Variants in CCDC191 observed in about 807,000 individuals in gnomAD.
CCDC191 encodes the protein coiled-coil domain-containing protein 191.
A neutral mutation model predicts 114.0 loss-of-function variants in CCDC191; 99 were observed. The observed-to-expected ratio is 0.87, with a 90% CI of 0.74 to 1.03. The LOEUF is 1.03. CCDC191 is among the 50% of genes least tolerant of loss of function. The pLI, the probability that CCDC191 is intolerant of heterozygous loss-of-function variation, is 0.00. For missense variants in CCDC191, 973 were observed against 1,087.0 expected (o/e 0.90, Z 1.47); for synonymous variants, 351 against 376.0 (o/e 0.93, Z 0.77).
chr3:114,023,103 C>T (rs972253554), intron 7 of CCDC191, among the ~76,000 whole-genome samples: 1 of 152,156 alleles, frequency 6.6e-6, no homozygotes, highest in Admixed American at 6.5e-5. Flanking sequence ...CTCCCATTCA[C>T]ATTTGCTTCA....
At chr3:113,976,518 A>ATGGTT (rs1941360170) in intron 16 of CCDC191, among the ~76,000 whole-genome samples, 1 of 152,056 alleles carries the variant, frequency 6.6e-6, no homozygotes, top group Admixed American at 6.5e-5. Flanking sequence ...ATCAGATGAG[A>ATGGTT]TGGTTTGTGC....
intron 13 of CCDC191, among the ~76,000 whole-genome samples, chr3:114,001,062 C>T (rs1252790521): frequency 6.6e-6 from 1 of 152,100 alleles, no homozygotes; most frequent in African/African-American, 2.4e-5. Flanking sequence ...AATTTAATAA[C>T]CTTAGAGTAA....
In CCDC191 at chr3:114,004,585, A is replaced by G. The variant is rs777265195; in HGVS notation, c.1978+52T>C. On this transcript the variant is annotated intron_variant, in intron 11 of 16. Transcript: ENST00000295878. ...AATTCAGTCCCAGTGTACACATTCTACTCTAGGAGAGAAGATAACAACCAC... is the reference window on the plus strand; with the variant it reads ...AATTCAGTCCCAGTGTACACATTCTGCTCTAGGAGAGAAGATAACAACCAC... 3.1e-6 allele frequency: 5 copies of G among 1,591,478 alleles called. No individual in the cohort carries two copies. The African/African-American group carries it at 5.4e-5, about 17-fold the overall frequency.
At chr3:114,000,629 A>G (rs2075836913) in intron 13 of CCDC191, among the ~76,000 whole-genome samples, 1 of 150,598 alleles carries the variant, frequency 6.6e-6, no homozygotes, top group African/African-American at 2.4e-5. Flanking sequence ...AACATACCTT[A>G]TATGACTTTC....
chr3:113,991,044 T>G (rs967264055), intron 13 of CCDC191, among the ~76,000 whole-genome samples: 1 of 150,020 alleles, frequency 6.7e-6, no homozygotes, highest in African/African-American at 2.5e-5. Flanking sequence ...AAGGCCAACC[T>G]GGCCAACATG....
At chr3:113,966,146 G>A (rs968778009) in intron 16 of CCDC191, among the ~76,000 whole-genome samples, 4 of 152,126 alleles carry the variant, frequency 2.6e-5, no homozygotes, top group African/African-American at 7.2e-5. Flanking sequence ...GCCTCAGTGC[G>A]TAGACATATT....
Position 113,978,960 on chromosome 3 carries a change from C to T in CCDC191, c.2358G>A (p.Thr786=), listed in dbSNP as rs760940575. 20 of 1,613,926 alleles carry T rather than the reference C, an allele frequency of 1.2e-5. No individual in the cohort carries two copies. Among genetic ancestry groups the T allele is most frequent in the East Asian group, 8.9e-5 (4 of 44,890 alleles). ...GACTTTCCTGACTACGCTGGAACCA[C>T]GTCAGCATGTATTTCCTCTGCAGGA... ...SLFLQRKYML[T]WFQRSQESLA... The change falls in exon 15 of 17, where the codon ACG becomes ACA. Residue 786 remains threonine, a synonymous_variant. Coordinates refer to ENST00000295878, the MANE Select transcript of CCDC191 (RefSeq NM_020817.2).
chr3:114,056,288 C>G, intron 1 of CCDC191, 89 bp downstream of exon 1: 4 of 1,241,706 alleles, frequency 3.2e-6, no homozygotes, highest in South Asian at 1.3e-5. Context: ...GATGAAGAGG[C>G]AGGAAGCACA....
At chr3:114,010,612 A>G (rs1038455832) in intron 9 of CCDC191, among the ~76,000 whole-genome samples, 160 bp downstream of exon 9, 1 of 152,252 alleles carries the variant, frequency 6.6e-6, no homozygotes, top group African/African-American at 2.4e-5. Flanking sequence ...TAAAAAGAAG[A>G]TTCAATTCAA....
chr3:114,003,746 T>C (rs1316150318), intron 11 of CCDC191: 1 of 985,298 alleles, frequency 1.0e-6, no homozygotes, highest in Non-Finnish European at 1.2e-6. Context: ...TCTTCATTAA[T>C]AGGAATTGAC....
intron 11 of CCDC191, chr3:114,004,154 A>G (rs1000949056): frequency 1.0e-6 from 1 of 954,976 alleles, no homozygotes. Flanking sequence ...TCAAATTAAC[A>G]TATCTGGTTT....
intron 8 of CCDC191, among the ~76,000 whole-genome samples, chr3:114,018,249 A>G (rs1187787788): frequency 6.6e-6 from 1 of 152,238 alleles, no homozygotes; most frequent in African/African-American, 2.4e-5. Context: ...CCAGGGTACA[A>G]TGCTACTACA....
rs747402148 is a variant in CCDC191 at position 114,035,079 on chromosome 3, A to AT, written c.663dup (p.Ser222IlefsTer41). 8.5e-5 allele frequency: 137 copies of AT among 1,613,868 alleles called. No individual in the cohort carries two copies. The East Asian group carries it at 2.6e-3, about 30-fold the overall frequency. ...AGACACTGAGCCTCCAAGAAGGCCG[A>AT]TTTTTTCAGGGTCTTTTCTATTCTC... On this transcript the variant is annotated frameshift_variant, in exon 6 of 17. Coordinates refer to ENST00000295878, the MANE Select transcript of CCDC191 (RefSeq NM_020817.2). LOFTEE classifies it high-confidence loss of function.
At chr3:114,006,617 T>TATATATATATATATATATATATATAA (rs1482068610) in intron 9 of CCDC191, among the ~76,000 whole-genome samples, 7 of 118,464 alleles carry the variant, frequency 5.9e-5, no homozygotes, top group East Asian at 4.9e-4. Flanking sequence ...TATATATATA[T>TATATATATATATATATATATATATAA]AAATATATAT....
rs1288422792 is a variant in CCDC191, at chr3:114,018,841, G to C, written c.1000C>G (p.His334Asp). The change falls in exon 8 of 17, where the codon CAC becomes GAC. Residue 334 changes from histidine to aspartate, a missense_variant. Physicochemically the swap from His to Asp is moderately conservative, Grantham distance 81. Coordinates refer to ENST00000295878, the MANE Select transcript of CCDC191 (RefSeq NM_020817.2). ...QCQKRYFAAW[H>D]KLILDHRIKL... ...ATCCTATGATCAAGAATCAGCTTGT[G>C]CCAGGCAGCGAAATACCGTTTTTGA... The C allele has an allele frequency of 1.2e-6, 2 of 1,613,548 alleles. No homozygotes were observed. The highest frequency in any genetic ancestry group is 2.7e-5 in the African/African-American group (2 of 74,868).
rs2075938306 is a variant in CCDC191, at chr3:114,005,506, A to G, written c.1868+2T>C. On this transcript the variant is annotated splice_donor_variant, in intron 10 of 16. Transcript: ENST00000295878. LOFTEE classifies it high-confidence loss of function. Reference sequence around the variant, plus strand: ...CAGCGAGTTCTGATAGAACAGACATACTTCACAAGCATCTGGCAGGTTCTT... The same window carrying G: ...CAGCGAGTTCTGATAGAACAGACATGCTTCACAAGCATCTGGCAGGTTCTT... 6.2e-7 allele frequency: 1 copy of G among 1,601,252 alleles called. No individual in the cohort carries two copies. Among genetic ancestry groups the G allele is most frequent in the Non-Finnish European group, 8.5e-7 (1 of 1,174,918 alleles).
chr3:113,989,091 T>A (rs973486818), intron 13 of CCDC191, among the ~76,000 whole-genome samples: 1 of 152,300 alleles, frequency 6.6e-6, no homozygotes, highest in Middle Eastern at 3.4e-3. Flanking sequence ...CCACTGCCCC[T>A]GGCCATGTAA....
chr3:113,973,596 G>GTTTTTT (rs61420341), intron 16 of CCDC191, among the ~76,000 whole-genome samples: 2 of 145,566 alleles, frequency 1.4e-5, no homozygotes, highest in Non-Finnish European at 1.5e-5. Flanking sequence ...TGGATGGCAG[G>GTTTTTT]TTTTTTTTTT....
intron 7 of CCDC191, among the ~76,000 whole-genome samples, chr3:114,027,161 A>C (rs1255927766): frequency 6.6e-6 from 1 of 152,226 alleles, no homozygotes; most frequent in Non-Finnish European, 1.5e-5. Flanking sequence ...ACAAAAAACA[A>C]ATGTTTTTGA....
Sources: gnomAD v4.1 joint callset for allele counts (sites outside exome capture counted in the v4.1 genomes callset) on GRCh38, gnomAD v4.1.1 for gene constraint, MANE v1.5 for transcripts, NCBI Gene and HGNC (gene_info 2026-07-23, HGNC 2026-07-21) for gene names.